The following FANCC variants were observed in gnomAD, a reference collection of about 807,000 sequenced individuals.
FANCC encodes the protein FA complementation group C.
In FANCC, 55 loss-of-function variants were observed where a neutral mutation model predicts 71.3. That is an observed-to-expected ratio of 0.77 (90% CI 0.62 to 0.97). FANCC has a LOEUF of 0.97. FANCC is among the 50% of genes least tolerant of loss of function. The pLI, the probability that FANCC is intolerant of heterozygous loss-of-function variation, is 0.00. For missense variants in FANCC, 678 were observed against 670.9 expected, an observed-to-expected ratio of 1.01 and a Z score of -0.12; for synonymous variants, 275 against 244.9, an observed-to-expected ratio of 1.12 and a Z score of -1.15.
At chr9:95,172,515 G>A (rs970677436) in intron 4 of FANCC, among the ~76,000 whole-genome samples, 6 of 151,780 alleles carry the variant, frequency 4.0e-5, no homozygotes, top group East Asian at 1.9e-4. Flanking sequence ...GTAACGTGCC[G>A]ATGTCATACA....
chr9:95,277,250 A>C (rs1454375151), intron 1 of FANCC, among the ~76,000 whole-genome samples: 2 of 152,234 alleles, frequency 1.3e-5, no homozygotes, highest in Non-Finnish European at 2.9e-5. Flanking sequence ...AGCCTCAAAG[A>C]GCACATTAAT....
intron 1 of FANCC, among the ~76,000 whole-genome samples, chr9:95,269,425 C>T (rs1447197892): frequency 1.3e-5 from 2 of 152,152 alleles, no homozygotes; most frequent in Non-Finnish European, 2.9e-5. Flanking sequence ...TTAAGATGAG[C>T]ACAGAGGTTC....
chr9:95,112,421 A>G (rs1280271575), intron 12 of FANCC, among the ~76,000 whole-genome samples: 1 of 152,118 alleles, frequency 6.6e-6, no homozygotes, highest in African/African-American at 2.4e-5. Context: ...CCCAAGCTCT[A>G]AGCACTGTCC....
intron 1 of FANCC, among the ~76,000 whole-genome samples, chr9:95,279,967 A>T (rs1309937584): frequency 1.3e-5 from 2 of 151,272 alleles, no homozygotes; most frequent in African/African-American, 2.4e-5. Context: ...AAAAAAAAAA[A>T]AAAAATTCCC....
chr9:95,252,213 G>T (rs541412063), intron 1 of FANCC, among the ~76,000 whole-genome samples: 3 of 131,334 alleles, frequency 2.3e-5, no homozygotes, highest in Non-Finnish European at 3.1e-5. Context: ...GGAGGCAGAG[G>T]TTGCAGTGAG....
At chr9:95,111,789 G>T in intron 12 of FANCC, 152 bp from the exon 13 acceptor site, 1 of 937,876 alleles carries the variant, frequency 1.1e-6, no homozygotes, top group Non-Finnish European at 1.7e-6. Context: ...GATTCAGAAA[G>T]CCTGTCCAAA....
At chr9:95,212,213 A>C (rs1828551800) in intron 4 of FANCC, among the ~76,000 whole-genome samples, 1 of 152,104 alleles carries the variant, frequency 6.6e-6, no homozygotes, top group South Asian at 2.1e-4. Context: ...ATGATAACTA[A>C]ATTTTTTCCA....
chr9:95,216,881 A>T (rs1260570569), intron 4 of FANCC, among the ~76,000 whole-genome samples: 1 of 152,180 alleles, frequency 6.6e-6, no homozygotes, highest in East Asian at 1.9e-4. Flanking sequence ...GCCAGCATGC[A>T]TGAAACAGTG....
chr9:95,294,156 A>T lies in FANCC; in HGVS notation c.-79+23370T>A, dbSNP rs1241705321. 3 of 1,604,596 alleles carry T rather than the reference A, an allele frequency of 1.9e-6. No individual in the cohort carries two copies. The East Asian group carries it at 6.7e-5, about 36-fold the overall frequency. ...TGTCAAGTAATCTGCCTGCTCAGAC[A>T]TTGGATCATCATAGTCTTTTGTCTA... On this transcript the variant is annotated intron_variant, in intron 1 of 14. Transcript: ENST00000289081.
intron 7 of FANCC, among the ~76,000 whole-genome samples, chr9:95,143,808 G>A (rs1310242977): frequency 2.6e-5 from 4 of 152,276 alleles, no homozygotes; most frequent in East Asian, 1.9e-4. Flanking sequence ...GTTTTATGCC[G>A]TCTTTAGCCT....
chr9:95,311,709 C>CTGTGTGTGTGTGTGTGTGTGTG (rs56187288), intron 1 of FANCC, among the ~76,000 whole-genome samples: 4 of 144,494 alleles, frequency 2.8e-5, no homozygotes, highest in African/African-American at 5.1e-5. Flanking sequence ...TCCTCTGAAT[C>CTGTGTGTGTGTGTGTGTGTGTG]TGTGTGTGTG....
chr9:95,147,524 A>G (rs1055204072), intron 7 of FANCC, among the ~76,000 whole-genome samples: 1 of 152,194 alleles, frequency 6.6e-6, no homozygotes, highest in East Asian at 1.9e-4. Context: ...CTCAAAAAAG[A>G]AAAGAAAAGA....
intron 13 of FANCC, chr9:95,110,407 A>ACAT (rs1478399748): frequency 5.9e-6 from 6 of 1,024,340 alleles, no homozygotes; most frequent in Non-Finnish European, 4.7e-6. Flanking sequence ...ACTGTTAAAA[A>ACAT]CATCAACCAG....
chr9:95,300,701 T>A (rs1834671201), intron 1 of FANCC, among the ~76,000 whole-genome samples: 1 of 152,154 alleles, frequency 6.6e-6, no homozygotes. Flanking sequence ...AACTGACAAT[T>A]TTAAAATCCC....
chr9:95,259,985 A>G (rs747381867), intron 1 of FANCC, among the ~76,000 whole-genome samples: 13 of 152,352 alleles, frequency 8.5e-5, no homozygotes, highest in Non-Finnish European at 8.8e-5. Context: ...CAAAACCACA[A>G]TGAGACACCA....
At position 95,124,934 on chromosome 9, in the gene FANCC, G is replaced by A. The variant is rs1825741932; in HGVS notation, c.996+152C>T. On this transcript the variant is annotated intron_variant, in intron 10 of 14. Transcript: ENST00000289081. ...TCTTGATTTATGTTAAGTTAAAATG[G>A]CTTAACCTTTGTTGGGGCACTCATT... The A allele has an allele frequency of 1.3e-5, 9 of 712,746 alleles. No individual in the cohort carries two copies. In the South Asian group the frequency reaches 1.4e-4, roughly 11 times the overall value. The allele number at this position is 712,746 out of a possible 1,614,324, so 44.2% of individuals were successfully genotyped here.
intron 1 of FANCC, 72 bp from the exon 2 acceptor site, chr9:95,249,441 G>C: frequency 4.2e-6 from 3 of 719,678 alleles, no homozygotes; most frequent in South Asian, 3.2e-5. Context: ...CCCATTGATG[G>C]GTGAAGGAGG....
At chr9:95,292,644 C>G (rs1040266669) in intron 1 of FANCC, 8 of 1,402,274 alleles carry the variant, frequency 5.7e-6, no homozygotes, top group Non-Finnish European at 8.1e-6. Context: ...GCTCAACATG[C>G]ACCTGGTCAA....
At chr9:95,103,567 G>A (rs1439771283) in intron 14 of FANCC, among the ~76,000 whole-genome samples, 1 of 152,238 alleles carries the variant, frequency 6.6e-6, no homozygotes, top group Non-Finnish European at 1.5e-5. Context: ...GCAGGCACAA[G>A]TGAGGGAGCA....
Sources: gnomAD v4.1 joint callset for allele counts (sites outside exome capture counted in the v4.1 genomes callset) on GRCh38, gnomAD v4.1.1 for gene constraint, MANE v1.5 for transcripts, NCBI Gene and HGNC (gene_info 2026-07-23, HGNC 2026-07-21) for gene names.